Variants in SCARA5 observed in about 807,000 individuals in gnomAD.
SCARA5 encodes the protein scavenger receptor class A, member 5 (putative).
SCARA5 carries 45 observed loss-of-function variants against 46.3 expected under a neutral mutation model. That is an observed-to-expected ratio of 0.97 (90% confidence interval 0.76 to 1.24). The LOEUF is 1.24. Ranked by LOEUF, SCARA5 falls within the 50% of genes most tolerant of loss-of-function variation. The pLI is 0.00. For missense variants in SCARA5, 680 were observed against 689.0 expected (o/e 0.99, Z 0.15); for synonymous variants, 333 against 306.5 (o/e 1.09, Z -0.90).
chr8:27,975,357 A>G (rs1808506717), intron 2 of SCARA5, among the ~76,000 whole-genome samples: 1 of 152,158 alleles, frequency 6.6e-6, no homozygotes, highest in South Asian at 2.1e-4. Flanking sequence ...AAACCTGTAA[A>G]TGTGAGTAAA....
At chr8:27,937,091 C>T (rs1425760504) in intron 3 of SCARA5, among the ~76,000 whole-genome samples, 1 of 152,182 alleles carries the variant, frequency 6.6e-6, no homozygotes, top group Non-Finnish European at 1.5e-5. Context: ...AAGTAGCATT[C>T]GAGACTTGCT....
intron 3 of SCARA5, among the ~76,000 whole-genome samples, chr8:27,942,657 C>G (rs761484806): frequency 6.6e-6 from 1 of 152,156 alleles, no homozygotes; most frequent in Non-Finnish European, 1.5e-5. Flanking sequence ...CTTTAACTCT[C>G]GGGCTGCACG....
intron 2 of SCARA5, among the ~76,000 whole-genome samples, chr8:27,968,195 C>T (rs1808397922): frequency 6.6e-6 from 1 of 152,108 alleles, no homozygotes; most frequent in Admixed American, 6.5e-5. Context: ...GCCCTGGTCC[C>T]CCAGAGGTAT....
chr8:27,958,357 T>C (rs1382065678), intron 3 of SCARA5, among the ~76,000 whole-genome samples: 3 of 152,148 alleles, frequency 2.0e-5, no homozygotes, highest in Non-Finnish European at 2.9e-5. Context: ...GAAGCTCTGA[T>C]GGCTAGGGCA....
At chr8:27,892,589 C>T (rs1294086858) in intron 7 of SCARA5, among the ~76,000 whole-genome samples, 1 of 150,488 alleles carries the variant, frequency 6.6e-6, no homozygotes, top group Non-Finnish European at 1.5e-5. Context: ...CCAGAAGTGA[C>T]CTCTCCATAC....
intron 3 of SCARA5, among the ~76,000 whole-genome samples, chr8:27,949,903 T>G (rs1470069842): frequency 6.6e-6 from 1 of 152,234 alleles, no homozygotes; most frequent in Non-Finnish European, 1.5e-5. Context: ...GAAGGGCTGT[T>G]GCAGAAAGTT....
At chr8:27,927,173 T>TA (rs928462587) in intron 3 of SCARA5, among the ~76,000 whole-genome samples, 5 of 152,172 alleles carry the variant, frequency 3.3e-5, no homozygotes, top group African/African-American at 1.2e-4. Context: ...TGGGGGTCCC[T>TA]AAGCCCAGCT....
intron 6 of SCARA5, among the ~76,000 whole-genome samples, chr8:27,905,539 A>AGGGGGGCGG (rs1563519497): frequency 2.4e-5 from 1 of 41,610 alleles, no homozygotes; most frequent in Non-Finnish European, 7.3e-5. Context: ...GGGGAAAAAA[A>AGGGGGGCGG]AAAGGCAGCC....
chr8:27,964,837 G>T (rs1027584749), intron 3 of SCARA5, among the ~76,000 whole-genome samples: 3 of 152,008 alleles, frequency 2.0e-5, no homozygotes, highest in South Asian at 2.1e-4. Context: ...TCACCTAAAA[G>T]TTCCTGTTCT....
chr8:27,953,323 A>T (rs1314812621), intron 3 of SCARA5, among the ~76,000 whole-genome samples: 1 of 152,180 alleles, frequency 6.6e-6, no homozygotes, highest in Non-Finnish European at 1.5e-5. Flanking sequence ...TGGGCCACCC[A>T]CTGGGGCCCC....
At position 27,966,433 on chromosome 8, in the gene SCARA5, C is replaced by T. The variant is rs1196454865; in HGVS notation, c.222G>A (p.Val74=). The T allele has an allele frequency of 4.3e-6, 7 of 1,611,432 alleles. No homozygotes were observed. The highest frequency in any genetic ancestry group is 5.1e-6 in the Non-Finnish European group (6 of 1,179,260). ...GLYLLVFLIL[V]GIFILAVSRP... is the part of the protein sequence containing the mutation. ...TCTTACCTGCTAAGATGAAGATGCCCACAAGAATCAGGAAGACCAGCAGGT... is the reference window on the plus strand; with the variant it reads ...TCTTACCTGCTAAGATGAAGATGCCTACAAGAATCAGGAAGACCAGCAGGT... Residue 74 remains valine, a synonymous_variant, in exon 3 of 9, where the codon GTG becomes GTA. Coordinates refer to ENST00000354914, the MANE Select transcript of SCARA5 (RefSeq NM_173833.6).
chr8:27,871,018 G>A lies in SCARA5; in HGVS notation c.*916C>T, dbSNP rs1219742748. 2.0e-5 allele frequency: 3 copies of A among 152,294 alleles called. No homozygotes were observed. Among genetic ancestry groups the A allele is most frequent in the Non-Finnish European group, 4.4e-5 (3 of 68,100 alleles). 9.4% of individuals were successfully genotyped at this position (152,294 alleles called of 1,614,324 possible). A position where few individuals can be genotyped will look rare whatever the true frequency, so the allele number is the denominator to read the frequency against. On this transcript the variant is annotated 3_prime_UTR_variant, in exon 9 of 9. Transcript: ENST00000354914. ...GATGGTCGGCCTGGAAGCCAGTCAT[G>A]TTTGACCTTGCACTCACGCCCTGGA...
chr8:27,918,631 GGAGGAAGATGAGGAGGAGGAA>G (rs1807510705), intron 4 of SCARA5, among the ~76,000 whole-genome samples: 1 of 134,800 alleles, frequency 7.4e-6, no homozygotes, highest in African/African-American at 2.8e-5. Context: ...GGGAGCAGGA[GGAGGAAGATGAGGAGGAGGAA>G]AAGGAAGATG....
At chr8:27,920,925 G>A (rs1807572692) in intron 4 of SCARA5, among the ~76,000 whole-genome samples, 1 of 152,108 alleles carries the variant, frequency 6.6e-6, no homozygotes, top group Non-Finnish European at 1.5e-5. Flanking sequence ...GCAGTGAGCT[G>A]AGATCAAGCC....
At chr8:27,991,515 G>A (rs920139567) in intron 1 of SCARA5, among the ~76,000 whole-genome samples, 3 of 152,176 alleles carry the variant, frequency 2.0e-5, no homozygotes, top group African/African-American at 7.2e-5. Context: ...AGATCAGAAG[G>A]ACTCCATTAA....
intron 4 of SCARA5, among the ~76,000 whole-genome samples, chr8:27,912,775 G>A (rs1473510973): frequency 1.3e-5 from 2 of 152,206 alleles, no homozygotes; most frequent in Admixed American, 6.5e-5. Context: ...CAACCTGCAG[G>A]GGGGTCTTCC....
Position 27,908,702 on chromosome 8 carries a change from A to G in SCARA5, c.997+961T>C, listed in dbSNP as rs572293724. 3.3e-5 allele frequency among the ~76,000 whole-genome samples: 5 copies of G among 152,226 alleles called. No homozygotes were observed. In the East Asian group the frequency reaches 9.7e-4, roughly 30 times the overall value. Reference sequence around the variant, plus strand: ...TGCCACAGAATTATTGATCTAGCACAAGCTGTGCCCCAGGCTCCCCATCTT... The same window carrying G: ...TGCCACAGAATTATTGATCTAGCACGAGCTGTGCCCCAGGCTCCCCATCTT... On this transcript the variant is annotated intron_variant, in intron 5 of 8. Coordinates refer to ENST00000354914, the MANE Select transcript of SCARA5 (RefSeq NM_173833.6).
At chr8:27,936,225 G>A (rs1427124963) in intron 3 of SCARA5, among the ~76,000 whole-genome samples, 1 of 152,098 alleles carries the variant, frequency 6.6e-6, no homozygotes, top group Non-Finnish European at 1.5e-5. Flanking sequence ...GGGCAACATG[G>A]TTGCCTACAT....
intron 5 of SCARA5, among the ~76,000 whole-genome samples, chr8:27,908,270 G>A (rs566315988): frequency 1.3e-5 from 2 of 152,374 alleles, no homozygotes; most frequent in East Asian, 3.9e-4. Context: ...GGCGAGGTCA[G>A]TAAATGGATG....
Sources: allele counts gnomAD v4.1 joint callset (sites outside exome capture counted in the v4.1 genomes callset), GRCh38; gene constraint gnomAD v4.1.1; transcripts MANE v1.5; gene names NCBI Gene and HGNC (gene_info 2026-07-23, HGNC 2026-07-21).